DLG2: variants seen among roughly 807,000 people sequenced by gnomAD.
The protein encoded by DLG2 is discs large MAGUK scaffold protein 2.
A neutral mutation model predicts 132.5 loss-of-function variants in DLG2; 45 were observed. That is an observed-to-expected ratio of 0.34 (90% CI 0.27 to 0.44). The LOEUF (loss-of-function observed/expected upper bound fraction) is 0.44. Ranked by LOEUF, DLG2 falls within the 20% of genes least tolerant of loss-of-function variation. DLG2 has a pLI of 1.00. For synonymous variants in DLG2, 424 were observed against 419.6 expected (o/e 1.01, Z -0.13); for missense variants, 1,045 against 1,196.9 (o/e 0.87, Z 1.87).
rs142649563 is a variant in DLG2, at chr11:85,568,380, C to G, written c.40+30277G>C. ...ATCTGTATTCATAAGGGATGTTGGT[C>G]TACAATTTTCTTGTACTGTATTTGG... is the stretch of plus-strand genomic sequence containing the variant. On this transcript the variant is annotated intron_variant, in intron 3 of 27. Transcript: ENST00000376104. 1.6e-4 allele frequency among the ~76,000 whole-genome samples: 24 copies of G among 152,164 alleles called. No individual in the cohort carries two copies. In the East Asian group the frequency reaches 4.6e-3, roughly 29 times the overall value.
intron 6 of DLG2, among the ~76,000 whole-genome samples, chr11:84,550,682 T>C (rs887392532): frequency 2.6e-5 from 4 of 152,290 alleles, no homozygotes; most frequent in East Asian, 1.9e-4. Flanking sequence ...GGGTGGTCGA[T>C]TGGCATATAT....
chr11:84,943,429 C>A (rs929593086), intron 6 of DLG2, among the ~76,000 whole-genome samples: 1 of 151,830 alleles, frequency 6.6e-6, no homozygotes, highest in Non-Finnish European at 1.5e-5. Context: ...TTCCTGTATT[C>A]CATTTAGTGA....
chr11:83,580,362 A>G (rs889213587), intron 19 of DLG2, among the ~76,000 whole-genome samples: 5 of 36,964 alleles, frequency 1.4e-4, no homozygotes, highest in African/African-American at 3.0e-4. Flanking sequence ...AACTTTTAGG[A>G]AAAAAAAAAA....
At chr11:84,021,994 G>T (rs371397085) in intron 11 of DLG2, among the ~76,000 whole-genome samples, 14 of 152,162 alleles carry the variant, frequency 9.2e-5, no homozygotes, top group African/African-American at 2.9e-4. Context: ...TGATCTGCCC[G>T]CCTCGGCTTC....
intron 7 of DLG2, among the ~76,000 whole-genome samples, chr11:84,310,542 T>A (rs963587044): frequency 9.9e-5 from 15 of 152,244 alleles, no homozygotes; most frequent in African/African-American, 3.6e-4. Flanking sequence ...GCTCTGCTTA[T>A]GTCAGCATCC....
intron 6 of DLG2, among the ~76,000 whole-genome samples, chr11:84,736,489 T>G (rs1433932009): frequency 6.6e-6 from 1 of 151,984 alleles, no homozygotes; most frequent in Non-Finnish European, 1.5e-5. Flanking sequence ...AATGAACATC[T>G]TAATGATACT....
intron 21 of DLG2, among the ~76,000 whole-genome samples, chr11:83,498,328 G>T (rs1565484146): frequency 6.6e-6 from 1 of 151,936 alleles, no homozygotes; most frequent in South Asian, 2.1e-4. Flanking sequence ...CCAATTATTA[G>T]AAAATCTTTA....
rs1006324600 is a variant in DLG2, at chr11:85,238,640, C to T, written c.186+46580G>A. Among the ~76,000 whole-genome samples the T allele has an allele frequency of 8.2e-4, 125 of 152,216 alleles. 2 individuals are homozygous for T. Among genetic ancestry groups the T allele is most frequent in the African/African-American group, 2.7e-3 (113 of 41,554 alleles). On this transcript the variant is annotated intron_variant, in intron 4 of 27. Transcript: ENST00000376104. ...CAGCTTTAGATGCTTCTTCTTCCTT[C>T]TTTTTTAACTTATGTAATGACTTTA...
At chr11:84,566,992 G>A (rs10898266) in intron 6 of DLG2, among the ~76,000 whole-genome samples, 30,242 of 151,992 alleles carry the variant, frequency 0.2, 3,180 homozygotes, top group South Asian at 0.32. Flanking sequence ...AACACATAAC[G>A]ACTTTGTGAT....
intron 18 of DLG2, among the ~76,000 whole-genome samples, chr11:83,648,638 G>A (rs2069018162): frequency 6.6e-6 from 1 of 152,070 alleles, no homozygotes; most frequent in African/African-American, 2.4e-5. Flanking sequence ...GGATAAAAGA[G>A]CTTTAAAAAG....
At chr11:85,412,585 C>G (rs1440862885) in intron 3 of DLG2, among the ~76,000 whole-genome samples, 1 of 151,564 alleles carries the variant, frequency 6.6e-6, no homozygotes, top group Admixed American at 6.6e-5. Context: ...ATCCTCATAG[C>G]TCAGCTCCCA....
At chr11:85,571,705 C>G (rs900564033) in intron 3 of DLG2, among the ~76,000 whole-genome samples, 1 of 152,158 alleles carries the variant, frequency 6.6e-6, no homozygotes, top group African/African-American at 2.4e-5. Context: ...TATCTTATTA[C>G]GCAGCTTCTT....
At chr11:83,949,745 T>G (rs1472510305) in intron 14 of DLG2, among the ~76,000 whole-genome samples, 1 of 152,156 alleles carries the variant, frequency 6.6e-6, no homozygotes, top group Non-Finnish European at 1.5e-5. Context: ...TCTTCGTGTT[T>G]CCCCCTTGAC....
intron 11 of DLG2, among the ~76,000 whole-genome samples, chr11:84,056,746 C>G (rs1417935790): frequency 6.6e-6 from 1 of 152,112 alleles, no homozygotes; most frequent in Non-Finnish European, 1.5e-5. Context: ...GTTTATGGTA[C>G]TAGGAGAGGG....
intron 4 of DLG2, among the ~76,000 whole-genome samples, chr11:85,198,534 G>A (rs1427535826): frequency 6.6e-6 from 1 of 151,994 alleles, no homozygotes; most frequent in East Asian, 1.9e-4. Flanking sequence ...TAGAATTATA[G>A]AATTTTGAGA....
At chr11:83,584,643 G>C (rs1056101863) in intron 19 of DLG2, among the ~76,000 whole-genome samples, 15 of 152,210 alleles carry the variant, frequency 9.9e-5, no homozygotes, top group Non-Finnish European at 1.8e-4. Flanking sequence ...GCAAAAATTA[G>C]AGATAATAGA....
At chr11:85,605,392 A>C (rs1441211989) in intron 2 of DLG2, among the ~76,000 whole-genome samples, 2 of 152,246 alleles carry the variant, frequency 1.3e-5, no homozygotes, top group Non-Finnish European at 2.9e-5. Context: ...GTATCACTGA[A>C]TTTTAGAATC....
chr11:85,365,614 C>T (rs1235368645), intron 3 of DLG2, among the ~76,000 whole-genome samples: 2 of 152,152 alleles, frequency 1.3e-5, no homozygotes, highest in South Asian at 2.1e-4. Flanking sequence ...AATCATTCTA[C>T]TATAAAGACA....
At chr11:85,124,901 G>A (rs868044233) in intron 5 of DLG2, among the ~76,000 whole-genome samples, 1 of 151,744 alleles carries the variant, frequency 6.6e-6, no homozygotes, top group African/African-American at 2.4e-5. Context: ...CGCAATCTTG[G>A]CTCACTGCAA....
Sources: allele counts gnomAD v4.1 joint callset (sites outside exome capture counted in the v4.1 genomes callset), GRCh38; gene constraint gnomAD v4.1.1; transcripts MANE v1.5; gene names NCBI Gene and HGNC (gene_info 2026-07-23, HGNC 2026-07-21).